Variants in AGBL4 observed in about 807,000 individuals in gnomAD.
AGBL4 encodes cytosolic carboxypeptidase 6.
In AGBL4, 58 loss-of-function variants were observed where a neutral mutation model predicts 66.4. That is an observed-to-expected ratio of 0.87 (90% CI 0.71 to 1.09). The LOEUF (loss-of-function observed/expected upper bound fraction) is 1.09, where lower values mean the gene tolerates loss of function less well. Among genes scored for constraint, AGBL4 ranks in the 50% least tolerant of loss-of-function variants. AGBL4 has a pLI of 0.00. For synonymous variants in AGBL4, 234 were observed against 222.9 expected (o/e 1.05, Z -0.44); for missense variants, 579 against 631.0 (o/e 0.92, Z 0.88).
intron 5 of AGBL4, among the ~76,000 whole-genome samples, chr1:48,976,392 T>C (rs1193110123): frequency 1.3e-5 from 2 of 152,150 alleles, no homozygotes; most frequent in Non-Finnish European, 2.9e-5. Context: ...TATGGTACCA[T>C]TGACCAGCCA....
intron 4 of AGBL4, among the ~76,000 whole-genome samples, chr1:49,214,997 T>C (rs1249067695): frequency 6.6e-6 from 1 of 152,108 alleles, no homozygotes. Context: ...TTGAGGGTCA[T>C]GAAACAGTTG....
chr1:48,705,698 T>C (rs1430669433), intron 6 of AGBL4, among the ~76,000 whole-genome samples: 1 of 152,338 alleles, frequency 6.6e-6, no homozygotes, highest in African/African-American at 2.4e-5. Flanking sequence ...CACAGTAATG[T>C]TAAAAATTAA....
chr1:48,677,194 T>A (rs1646379988), intron 6 of AGBL4, among the ~76,000 whole-genome samples: 1 of 152,082 alleles, frequency 6.6e-6, no homozygotes, highest in Non-Finnish European at 1.5e-5. Context: ...AAGCAAATAA[T>A]TTTTCTCAGA....
chr1:48,577,056 C>A (rs1214167288), intron 11 of AGBL4, among the ~76,000 whole-genome samples: 1 of 152,192 alleles, frequency 6.6e-6, no homozygotes, highest in African/African-American at 2.4e-5. Flanking sequence ...ATGTTCCAGG[C>A]GTTCATGCAT....
chr1:48,833,958 T>C (rs1023181678), intron 6 of AGBL4, among the ~76,000 whole-genome samples: 13 of 152,270 alleles, frequency 8.5e-5, no homozygotes, highest in Middle Eastern at 3.4e-3. Context: ...CACTCTGGTG[T>C]TGACAGATCA....
chr1:49,729,577 C>A (rs1027750675), intron 2 of AGBL4, among the ~76,000 whole-genome samples: 1 of 152,036 alleles, frequency 6.6e-6, no homozygotes, highest in African/African-American at 2.4e-5. Context: ...TATTTTCTTT[C>A]TTAAAAATGT....
chr1:48,664,595 AG>A lies in AGBL4; in HGVS notation c.635-1355del, dbSNP rs538923137. Among the ~76,000 whole-genome samples the A allele has an allele frequency of 7.6e-3, 1,158 of 152,354 alleles. 16 individuals are homozygous for A. Among genetic ancestry groups the A allele is most frequent in the Middle Eastern group, 0.02 (6 of 294 alleles). On this transcript the variant is annotated intron_variant, in intron 6 of 13. Coordinates refer to ENST00000371839, the MANE Select transcript of AGBL4 (RefSeq NM_032785.4). Reference sequence around the variant, plus strand: ...AAGGCAACAAAATCCAGAGAGTCAAAGCAATGTATAATTTGCAATATCCAGC... The same window carrying A: ...AAGGCAACAAAATCCAGAGAGTCAAACAATGTATAATTTGCAATATCCAGC...
At chr1:48,671,127 C>T (rs1646270023) in intron 6 of AGBL4, among the ~76,000 whole-genome samples, 1 of 152,236 alleles carries the variant, frequency 6.6e-6, no homozygotes, top group African/African-American at 2.4e-5. Context: ...GCTGTGTGCT[C>T]TCAGCTACCA....
chr1:49,185,956 G>A (rs1190984320), intron 4 of AGBL4, among the ~76,000 whole-genome samples: 6 of 152,146 alleles, frequency 3.9e-5, no homozygotes, highest in East Asian at 1.9e-4. Context: ...CCCTGTGCCC[G>A]GGTACTTTCC....
intron 4 of AGBL4, among the ~76,000 whole-genome samples, chr1:49,124,433 C>T (rs1557661021): frequency 6.6e-6 from 1 of 152,168 alleles, no homozygotes; most frequent in Non-Finnish European, 1.5e-5. Context: ...TCATCAGCTG[C>T]TATTGGATAA....
At chr1:48,668,241 A>AG (rs1287370656) in intron 6 of AGBL4, among the ~76,000 whole-genome samples, 1 of 152,148 alleles carries the variant, frequency 6.6e-6, no homozygotes, top group Non-Finnish European at 1.5e-5. Flanking sequence ...TATTAATCAG[A>AG]GGGCTTGCTC....
chr1:49,510,756 T>C (rs1049731954), intron 3 of AGBL4, among the ~76,000 whole-genome samples: 43 of 151,786 alleles, frequency 2.8e-4, no homozygotes, highest in Non-Finnish European at 5.4e-4. Context: ...GAATTGATTT[T>C]TGTATAAGGT....
In AGBL4 at chr1:49,796,221, A is replaced by T. The variant is rs1644726120; in HGVS notation, c.157+55175T>A. ...TAGATGAGTAAGTAATGATTTTCCT[A>T]CAGTGTTTGTAGAAACTTAAATTGG... On this transcript the variant is annotated intron_variant, in intron 2 of 13. Coordinates refer to ENST00000371839, the MANE Select transcript of AGBL4 (RefSeq NM_032785.4). Among the ~76,000 whole-genome samples, 3 of 151,920 alleles carry T rather than the reference A, an allele frequency of 2.0e-5. No individual in the cohort carries two copies. In the South Asian group the frequency reaches 6.2e-4, roughly 32 times the overall value.
intron 3 of AGBL4, among the ~76,000 whole-genome samples, chr1:49,566,283 G>T (rs943694933): frequency 6.6e-6 from 1 of 152,068 alleles, no homozygotes; most frequent in Non-Finnish European, 1.5e-5. Context: ...ATCTTCTGAA[G>T]CCTTCTTCTC....
chr1:48,526,812 T>C, the AGBL4 span, among the ~76,000 whole-genome samples: 1 of 152,138 alleles, frequency 6.6e-6, no homozygotes, highest in African/African-American at 2.4e-5. Flanking sequence ...TTTATTGTTA[T>C]AGAAAAAAGG....
chr1:49,102,701 C>T (rs1032025682), intron 4 of AGBL4, among the ~76,000 whole-genome samples: 3 of 151,976 alleles, frequency 2.0e-5, no homozygotes, highest in African/African-American at 7.3e-5. Context: ...CTCATAACAC[C>T]CCTGTGAAGT....
At chr1:48,863,215 A>C (rs561835392) in intron 6 of AGBL4, among the ~76,000 whole-genome samples, 1 of 152,306 alleles carries the variant, frequency 6.6e-6, no homozygotes, top group South Asian at 2.1e-4. Context: ...ACTTTGTTGT[A>C]AGAAAATGTA....
intron 4 of AGBL4, among the ~76,000 whole-genome samples, chr1:49,068,600 T>C (rs1571367476): frequency 6.6e-6 from 1 of 152,222 alleles, no homozygotes; most frequent in Non-Finnish European, 1.5e-5. Context: ...ATGGTGTATA[T>C]GTGCCACATT....
At chr1:49,277,250 G>C (rs573704609) in intron 3 of AGBL4, among the ~76,000 whole-genome samples, 70 of 152,002 alleles carry the variant, frequency 4.6e-4, no homozygotes, top group African/African-American at 1.2e-3. Flanking sequence ...ATTTGAATTT[G>C]ATCATACTAA....
Sources: gnomAD v4.1 joint callset for allele counts (sites outside exome capture counted in the v4.1 genomes callset) on GRCh38, gnomAD v4.1.1 for gene constraint, MANE v1.5 for transcripts, NCBI Gene and HGNC (gene_info 2026-07-23, HGNC 2026-07-21) for gene names.